Variants in RPA2 observed in about 807,000 individuals in gnomAD.
The protein encoded by RPA2 is replication protein A 32 kDa subunit.
A neutral mutation model predicts 33.4 loss-of-function variants in RPA2; 22 were observed. The ratio of observed to expected loss-of-function variants is 0.66; its 90% CI spans 0.47 to 0.94. The LOEUF is 0.94. Among genes scored for constraint, RPA2 ranks in the 40% least tolerant of loss-of-function variants. RPA2 has a pLI of 0.00. For synonymous variants in RPA2, 109 were observed against 114.9 expected (o/e 0.95, Z 0.33); for missense variants, 279 against 329.9 (o/e 0.85, Z 1.19).
At position 27,914,521 on chromosome 1, in the gene RPA2, C is replaced by G. The variant is rs2090145548; in HGVS notation, c.-78G>C. On this transcript the variant is annotated 5_prime_UTR_variant, in exon 1 of 9. Coordinates refer to ENST00000373912, the MANE Select transcript of RPA2 (RefSeq NM_002946.5). ...AGCGGAAAACCACAGAACGCGGCCG[C>G]CACTGCGCCGCTCTGGCTACTTTTC... 6.2e-7 allele frequency: 1 copy of G among 1,603,438 alleles called. No individual in the cohort carries two copies. The highest frequency in any genetic ancestry group is 1.3e-5 in the African/African-American group (1 of 74,688).
intron 4 of RPA2, among the ~76,000 whole-genome samples, chr1:27,899,529 A>G (rs2089938995): frequency 6.6e-6 from 1 of 150,972 alleles, no homozygotes; most frequent in East Asian, 1.9e-4. Context: ...AAAAAAAAAA[A>G]AACCACACAA....
intron 4 of RPA2, among the ~76,000 whole-genome samples, chr1:27,905,343 G>A (rs980454296): frequency 1.3e-5 from 2 of 152,264 alleles, no homozygotes; most frequent in African/African-American, 4.8e-5. Flanking sequence ...GCCCAGGCTG[G>A]AGTGCAGTGG....
intron 4 of RPA2, among the ~76,000 whole-genome samples, chr1:27,898,076 C>T (rs1472208771): frequency 6.6e-6 from 1 of 151,786 alleles, no homozygotes; most frequent in Admixed American, 6.6e-5. Flanking sequence ...CTGCAACCTC[C>T]GCCTCCCAAG....
chr1:27,894,588 G>A (rs751773256), intron 6 of RPA2, among the ~76,000 whole-genome samples, 191 bp from the exon 7 acceptor site: 37 of 152,160 alleles, frequency 2.4e-4, no homozygotes, highest in Non-Finnish European at 3.4e-4. Flanking sequence ...GTAACTCCCC[G>A]AAGCACATAA....
At chr1:27,892,734 G>A (rs2089840565) in intron 8 of RPA2, among the ~76,000 whole-genome samples, 3 of 152,008 alleles carry the variant, frequency 2.0e-5, no homozygotes, top group South Asian at 2.1e-4. Context: ...TGTCAGTAAC[G>A]TATTTAATAG....
intron 4 of RPA2, among the ~76,000 whole-genome samples, chr1:27,901,653 G>A (rs997333819): frequency 6.6e-5 from 10 of 151,960 alleles, no homozygotes; most frequent in Admixed American, 1.3e-4. Flanking sequence ...GAGCCACCGC[G>A]CCCAGCCACC....
intron 4 of RPA2, among the ~76,000 whole-genome samples, chr1:27,902,017 A>G (rs1571613557): frequency 2.1e-5 from 1 of 47,610 alleles, no homozygotes; most frequent in Non-Finnish European, 3.9e-5. Flanking sequence ...TAAACATAGT[A>G]AAAAAAAAAA....
At position 27,898,146 on chromosome 1, in the gene RPA2, G is replaced by A. The variant is rs564820121; in HGVS notation, c.334-439C>T. On this transcript the variant is annotated intron_variant, in intron 4 of 8. Transcript: ENST00000373912. ...CCAGTAGCTGGGATTACAGGCGCCC[G>A]CCACCACGCCCGGCAGGCACACAAT... 3.4e-4 allele frequency among the ~76,000 whole-genome samples: 52 copies of A among 152,208 alleles called. No homozygotes were observed. The South Asian group carries it at 4.3e-3, about 13-fold the overall frequency.
At chr1:27,909,091 G>A (rs959694309) in intron 2 of RPA2, among the ~76,000 whole-genome samples, 1 of 152,148 alleles carries the variant, frequency 6.6e-6, no homozygotes, top group Non-Finnish European at 1.5e-5. Flanking sequence ...AACAGGCTGA[G>A]GGCAAGTATG....
chr1:27,891,979 G>A lies in RPA2; in HGVS notation c.*184C>T, dbSNP rs2089829244. ...CCCTGTCAATTGCCCATCTCCCTCTGAGCTTCAAACAAAACAAAATAAAAC... is the reference window on the plus strand; with the variant it reads ...CCCTGTCAATTGCCCATCTCCCTCTAAGCTTCAAACAAAACAAAATAAAAC... On this transcript the variant is annotated 3_prime_UTR_variant, in exon 9 of 9. Transcript: ENST00000373912. 1 of 527,124 alleles carries A rather than the reference G, an allele frequency of 1.9e-6. No individual in the cohort carries two copies. The highest frequency in any genetic ancestry group is 2.8e-5 in the East Asian group (1 of 35,312). 32.7% of individuals were successfully genotyped at this position (527,124 alleles called of 1,614,324 possible).
intron 4 of RPA2, among the ~76,000 whole-genome samples, chr1:27,905,921 C>CCGGCGTTAGGTCACCATTTTT (rs1388012760): frequency 4.2e-4 from 63 of 151,012 alleles, no homozygotes; most frequent in African/African-American, 6.6e-4. Context: ...GCCACCATGC[C>CCGGCGTTAGGTCACCATTTTT]AAGCCAAAAA....
intron 2 of RPA2, among the ~76,000 whole-genome samples, chr1:27,908,032 C>T (rs1413257246): frequency 1.3e-5 from 2 of 151,920 alleles, no homozygotes; most frequent in African/African-American, 4.8e-5. Flanking sequence ...GGGGTTTCAC[C>T]ATGTTGGCCA....
At chr1:27,894,461 A>T in intron 6 of RPA2, 64 bp from the exon 7 acceptor site, 1 of 1,371,470 alleles carries the variant, frequency 7.3e-7, no homozygotes, top group Non-Finnish European at 1.0e-6. Context: ...TTTACTACTT[A>T]AAATAGCTCG....
intron 4 of RPA2, among the ~76,000 whole-genome samples, chr1:27,901,580 T>TG (rs2089968312): frequency 6.6e-6 from 1 of 151,854 alleles, no homozygotes; most frequent in Non-Finnish European, 1.5e-5. Flanking sequence ...AGGCTGGTCT[T>TG]GAACTCCTGA....
intron 4 of RPA2, among the ~76,000 whole-genome samples, chr1:27,904,618 T>C (rs893442371): frequency 6.6e-6 from 1 of 152,162 alleles, no homozygotes; most frequent in Admixed American, 6.5e-5. Context: ...TATTTCTCTA[T>C]AGATAACTTG....
At chr1:27,909,015 CAA>C (rs1455460672) in intron 2 of RPA2, among the ~76,000 whole-genome samples, 2 of 152,154 alleles carry the variant, frequency 1.3e-5, no homozygotes, top group South Asian at 2.1e-4. Context: ...AGCTTACTGG[CAA>C]AAGAGGGAGG....
At chr1:27,908,822 A>ATAGG (rs2090063536) in intron 2 of RPA2, among the ~76,000 whole-genome samples, 1 of 152,184 alleles carries the variant, frequency 6.6e-6, no homozygotes, top group African/African-American at 2.4e-5. Context: ...AAGCAGCCAG[A>ATAGG]CAACAGTGTA....
At chr1:27,913,174 AACT>A (rs2090121660) in intron 2 of RPA2, among the ~76,000 whole-genome samples, 2 of 151,430 alleles carry the variant, frequency 1.3e-5, no homozygotes, top group African/African-American at 4.8e-5. Flanking sequence ...GCTGGTCAGG[AACT>A]CCTGATCTCA....
At chr1:27,904,853 C>T (rs1389706109) in intron 4 of RPA2, among the ~76,000 whole-genome samples, 2 of 152,142 alleles carry the variant, frequency 1.3e-5, no homozygotes, top group South Asian at 4.1e-4. Context: ...AGTTTCATCA[C>T]GTTGGCCAGG....
Sources: gnomAD v4.1 joint callset for allele counts (sites outside exome capture counted in the v4.1 genomes callset) on GRCh38, gnomAD v4.1.1 for gene constraint, MANE v1.5 for transcripts, NCBI Gene and HGNC (gene_info 2026-07-23, HGNC 2026-07-21) for gene names.